The following VSIG10 variants were observed in gnomAD, a reference collection of about 807,000 sequenced individuals.
The protein encoded by VSIG10 is V-set and immunoglobulin domain containing 10, also known as V-set and immunoglobulin domain-containing protein 10.
VSIG10 carries 48 observed loss-of-function variants against 58.7 expected under a neutral mutation model. The ratio of observed to expected loss-of-function variants is 0.82; its 90% CI spans 0.65 to 1.04. VSIG10 has a LOEUF of 1.04. Ranked by LOEUF, VSIG10 falls within the 50% of genes least tolerant of loss-of-function variation. The probability of loss-of-function intolerance (pLI) is 0.00; values close to 1 mark genes in which losing one functional copy is unlikely to be tolerated. For missense variants in VSIG10, 628 were observed against 670.0 expected (o/e 0.94, Z 0.69); for synonymous variants, 260 against 267.1 (o/e 0.97, Z 0.26).
intron 2 of VSIG10, among the ~76,000 whole-genome samples, chr12:118,084,642 G>T (rs1188341782): frequency 1.3e-5 from 2 of 152,132 alleles, no homozygotes; most frequent in African/African-American, 2.4e-5. Context: ...GCTTTGGGAG[G>T]CCGAGGTGGG....
At chr12:118,086,738 ATT>A (rs774522204) in intron 2 of VSIG10, among the ~76,000 whole-genome samples, 6 of 152,098 alleles carry the variant, frequency 3.9e-5, no homozygotes, top group Non-Finnish European at 8.8e-5. Flanking sequence ...CTGCAAAAAT[ATT>A]TGTTTAATCA....
At chr12:118,090,863 A>G (rs1385462607) in intron 2 of VSIG10, among the ~76,000 whole-genome samples, 3 of 152,110 alleles carry the variant, frequency 2.0e-5, no homozygotes, top group African/African-American at 7.2e-5. Context: ...GGCCAGATGC[A>G]GTGGTTCATG....
intron 4 of VSIG10, among the ~76,000 whole-genome samples, chr12:118,075,462 T>C (rs961636387): frequency 2.0e-5 from 3 of 152,128 alleles, no homozygotes; most frequent in African/African-American, 4.8e-5. Flanking sequence ...TTCAAGTGAT[T>C]CTCATGCTTC....
chr12:118,068,227 G>T (rs1050924219), intron 8 of VSIG10, 150 bp downstream of exon 8: 3 of 361,810 alleles, frequency 8.3e-6, no homozygotes, highest in African/African-American at 4.6e-5. Context: ...TAGAGACAGA[G>T]TCTCACCATG....
At chr12:118,099,207 T>C (rs774240407) in intron 1 of VSIG10, among the ~76,000 whole-genome samples, 2 of 151,972 alleles carry the variant, frequency 1.3e-5, no homozygotes, top group African/African-American at 2.4e-5. Flanking sequence ...TGAGCCACAA[T>C]TGTGACACTG....
At chr12:118,088,137 C>T (rs931054125) in intron 2 of VSIG10, among the ~76,000 whole-genome samples, 2 of 150,232 alleles carry the variant, frequency 1.3e-5, no homozygotes, top group Non-Finnish European at 3.0e-5. Flanking sequence ...CCCAGCTACT[C>T]GGGAACCTAA....
At chr12:118,083,382 A>G (rs895428415) in intron 2 of VSIG10, among the ~76,000 whole-genome samples, 1 of 152,038 alleles carries the variant, frequency 6.6e-6, no homozygotes, top group Non-Finnish European at 1.5e-5. Context: ...GTTTGAGACC[A>G]GCCTGGCTAA....
chr12:118,077,001 G>A (rs1262736043), intron 4 of VSIG10, among the ~76,000 whole-genome samples: 1 of 152,140 alleles, frequency 6.6e-6, no homozygotes, highest in Non-Finnish European at 1.5e-5. Flanking sequence ...TTGGATTACA[G>A]CCTACTCTAA....
chr12:118,102,076 C>A (rs1022869342), intron 1 of VSIG10: 1 of 152,404 alleles, frequency 6.6e-6, no homozygotes, highest in African/African-American at 2.4e-5. Flanking sequence ...CACCACTGCA[C>A]TCCAGCCTGG....
chr12:118,092,124 T>A (rs1308096713), intron 2 of VSIG10, among the ~76,000 whole-genome samples: 3 of 152,122 alleles, frequency 2.0e-5, no homozygotes, highest in African/African-American at 7.2e-5. Flanking sequence ...AGTGGCACCA[T>A]CTTGGCTCAC....
At chr12:118,072,611 A>G (rs1467481316) in intron 5 of VSIG10, among the ~76,000 whole-genome samples, 7 of 151,900 alleles carry the variant, frequency 4.6e-5, no homozygotes, top group Non-Finnish European at 7.4e-5. Flanking sequence ...CAATCTCAAC[A>G]CTTTGGGAGG....
At chr12:118,095,010 T>C (rs1592892609) in intron 2 of VSIG10, among the ~76,000 whole-genome samples, 1 of 152,142 alleles carries the variant, frequency 6.6e-6, no homozygotes, top group East Asian at 1.9e-4. Context: ...TTCAAGCAAT[T>C]CTCCTGCCTC....
chr12:118,079,753 T>A, intron 3 of VSIG10, 147 bp from the exon 4 acceptor site: 1 of 1,163,502 alleles, frequency 8.6e-7, no homozygotes, highest in Non-Finnish European at 1.2e-6. Flanking sequence ...CACAAATTCA[T>A]GCCTGACAAC....
At position 118,068,500 on chromosome 12, in the gene VSIG10, C is replaced by G; in HGVS notation, c.1444G>C (p.Glu482Gln). The change falls in exon 8 of 9, where the codon GAG becomes CAG. Residue 482 changes from glutamate to glutamine, a missense_variant. Glu to Gln is a conservative substitution (Grantham distance 29). Transcript: ENST00000359236. Reference sequence around the variant, plus strand: ...AACTCCTCTCTCTCACGTGCTCCCTCCTGTTCCCCTACTGCAGCATCTTCC... The same window carrying G: ...AACTCCTCTCTCTCACGTGCTCCCTGCTGTTCCCCTACTGCAGCATCTTCC... ...EEEDAAVGEQ[E>Q]GAREREELPK... 1 of 1,612,358 alleles carries G rather than the reference C, an allele frequency of 6.2e-7. No homozygotes were observed. The highest frequency in any genetic ancestry group is 1.6e-4 in the Middle Eastern group (1 of 6,062).
At position 118,066,523 on chromosome 12, in the gene VSIG10, T is replaced by C; in HGVS notation, c.*116A>G. 1 of 1,091,276 alleles carries C rather than the reference T, an allele frequency of 9.2e-7. No homozygotes were observed. The highest frequency in any genetic ancestry group is 1.3e-5 in the South Asian group (1 of 78,702). The allele number at this position is 1,091,276 out of a possible 1,614,324, so 67.6% of individuals were successfully genotyped here. A position where few individuals can be genotyped will look rare whatever the true frequency, so the allele number is the denominator to read the frequency against. On this transcript the variant is annotated 3_prime_UTR_variant, in exon 9 of 9. Transcript: ENST00000359236. ...TTTGTTTTTTGCTGAGACCCAAACA[T>C]TGTTAGTGCAAGCCCCCGCCAGGGG...
At chr12:118,085,424 T>C (rs1053429066) in intron 2 of VSIG10, among the ~76,000 whole-genome samples, 3 of 152,226 alleles carry the variant, frequency 2.0e-5, no homozygotes, top group East Asian at 1.9e-4. Flanking sequence ...CAAACACTTG[T>C]TTGGCCTGAG....
Position 118,095,619 on chromosome 12 carries a change from G to A in VSIG10, c.275C>T (p.Ser92Leu), listed in dbSNP as rs1228958610. The A allele has an allele frequency of 5.6e-6, 9 of 1,613,190 alleles. No individual in the cohort carries two copies. The highest frequency in any genetic ancestry group is 1.3e-5 in the African/African-American group (1 of 74,648). Residue 92 changes from serine (S) to leucine (L), a missense_variant, in exon 2 of 9, where the codon TCG becomes TTG. Ser to Leu is a moderately radical substitution (Grantham distance 145, BLOSUM62 -2). Coordinates refer to ENST00000359236, the MANE Select transcript of VSIG10 (RefSeq NM_019086.6). ...GATTCCCTCATCTCCCAGGCTCAGC[G>A]ATTCAATGTGCAGGGAGGTGGCATC... ...LVDATSLHIESLSLGDEGIYT... is the reference protein window; with the variant it reads ...LVDATSLHIELLSLGDEGIYT...
rs1249941899 is a variant in VSIG10 at position 118,068,540 on chromosome 12, CTCCTCCTCT to C, written c.1395_1403del (p.Glu472_Glu474del). The C allele has an allele frequency of 1.2e-5, 19 of 1,604,672 alleles. No homozygotes were observed. The highest frequency in any genetic ancestry group is 1.7e-5 in the Admixed American group (1 of 57,616). The stretch of plus-strand genomic sequence containing the variant: ...CAGCATCTTCCTCCTCCTCCTCCTC[CTCCTCCTCT>C]TCCTCTTCTGAATCCACCAAAACCA... On this transcript the variant is annotated inframe_deletion, in exon 8 of 9. Transcript: ENST00000359236.
intron 7 of VSIG10, among the ~76,000 whole-genome samples, chr12:118,070,710 G>A (rs748298776): frequency 2.0e-5 from 3 of 152,146 alleles, no homozygotes; most frequent in Non-Finnish European, 2.9e-5. Flanking sequence ...CCTGCAATGT[G>A]TCCAGCCCTG....
Sources: gnomAD v4.1 joint callset for allele counts (sites outside exome capture counted in the v4.1 genomes callset) on GRCh38, gnomAD v4.1.1 for gene constraint, MANE v1.5 for transcripts, NCBI Gene and HGNC (gene_info 2026-07-23, HGNC 2026-07-21) for gene names.